The following CMC2 variants were observed in gnomAD, a reference collection of about 807,000 sequenced individuals.
CMC2 encodes the protein C-X9-C motif containing 2.
CMC2 carries 5 observed loss-of-function variants against 7.5 expected under a neutral mutation model. The observed-to-expected ratio is 0.66, with a 90% CI of 0.35 to 1.40. CMC2 has a LOEUF of 1.40. Ranked by LOEUF, CMC2 falls within the 40% of genes most tolerant of loss-of-function variation. CMC2 has a pLI of 0.04. For missense variants in CMC2, 115 were observed against 92.3 expected (o/e 1.25, Z -1.01); for synonymous variants, 37 against 31.4 (o/e 1.18, Z -0.60).
chr16:80,995,085 G>T (rs562673047), intron 2 of CMC2, among the ~76,000 whole-genome samples: 1 of 152,296 alleles, frequency 6.6e-6, no homozygotes, highest in African/African-American at 2.4e-5. Flanking sequence ...GGCAGAGGTT[G>T]CAGTGAGCCA....
At chr16:80,977,168 C>G (rs1011861675) in intron 3 of CMC2, among the ~76,000 whole-genome samples, 6 of 152,146 alleles carry the variant, frequency 3.9e-5, no homozygotes, top group African/African-American at 1.4e-4. Flanking sequence ...GTTAACAAAC[C>G]TGATACTCCT....
At chr16:80,978,087 T>C (rs956619691) in intron 3 of CMC2, among the ~76,000 whole-genome samples, 2 of 121,300 alleles carry the variant, frequency 1.6e-5, no homozygotes, top group Admixed American at 1.6e-4. Context: ...AAAAAGCTAC[T>C]TTAAATTACA....
intron 2 of CMC2, chr16:80,983,183 T>C (rs2151623241): frequency 6.6e-6 from 1 of 152,370 alleles, no homozygotes; most frequent in Admixed American, 6.5e-5. Context: ...GTTAATCACC[T>C]ATTTATGCTA....
In CMC2 at chr16:80,975,491, G is replaced by C. The variant is rs1912213462; in HGVS notation, c.*602C>G. 6.7e-6 allele frequency: 1 copy of C among 150,186 alleles called. No homozygotes were observed. Among genetic ancestry groups the C allele is most frequent in the South Asian group, 2.1e-4 (1 of 4,826 alleles). 9.3% of individuals were successfully genotyped at this position (150,186 alleles called of 1,614,324 possible). On this transcript the variant is annotated 3_prime_UTR_variant, in exon 4 of 4. Transcript: ENST00000219400. Reference sequence around the variant, plus strand: ...CAGCCAGGCATGGTAGCCTGCGCCTGTAGCCCCAGCTACTAGAGAGGCTGA... The same window carrying C: ...CAGCCAGGCATGGTAGCCTGCGCCTCTAGCCCCAGCTACTAGAGAGGCTGA...
intron 1 of CMC2, among the ~76,000 whole-genome samples, chr16:81,000,568 T>C (rs1968790992): frequency 6.6e-6 from 1 of 152,092 alleles, no homozygotes; most frequent in African/African-American, 2.4e-5. Context: ...TCTCAAAAGA[T>C]ATACAAGTGG....
At chr16:80,983,217 G>C (rs948947504) in intron 2 of CMC2, 1 of 147,422 alleles carries the variant, frequency 6.8e-6, no homozygotes, top group Non-Finnish European at 1.5e-5. Context: ...CAGACAACAG[G>C]AAACTCTCAG....
At chr16:80,990,770 A>G (rs939361581) in intron 2 of CMC2, among the ~76,000 whole-genome samples, 6 of 152,032 alleles carry the variant, frequency 3.9e-5, no homozygotes, top group African/African-American at 1.4e-4. Flanking sequence ...CCAGGCTGGA[A>G]TGCAGTGGCA....
intron 2 of CMC2, chr16:80,991,644 A>T (rs554036361): frequency 3.1e-5 from 6 of 196,584 alleles, no homozygotes; most frequent in Non-Finnish European, 6.3e-5. Context: ...TGTCTCCAAA[A>T]AAAAAAAAGG....
chr16:81,000,742 G>C (rs1289732275), intron 1 of CMC2, among the ~76,000 whole-genome samples: 1 of 152,202 alleles, frequency 6.6e-6, no homozygotes, highest in African/African-American at 2.4e-5. Flanking sequence ...CTTATACACT[G>C]TTGTGGGAAT....
intron 2 of CMC2, among the ~76,000 whole-genome samples, chr16:80,988,016 A>G (rs79474020): frequency 1.4e-5 from 2 of 138,528 alleles, no homozygotes; most frequent in Non-Finnish European, 3.1e-5. Flanking sequence ...CTCTAGGAGG[A>G]AAAAAAAAAA....
chr16:80,984,824 A>G (rs1454434311), intron 2 of CMC2, among the ~76,000 whole-genome samples: 1 of 152,218 alleles, frequency 6.6e-6, no homozygotes, highest in Non-Finnish European at 1.5e-5. Context: ...TTTTACCTCA[A>G]TATTAACTAA....
chr16:80,997,505 C>T (rs753966437), intron 1 of CMC2, 76 bp from the exon 2 acceptor site: 567 of 749,296 alleles, frequency 7.6e-4, no homozygotes, highest in Non-Finnish European at 1.1e-3. Context: ...ATAAGAACCT[C>T]TAGTGACCTT....
At position 80,973,572 on chromosome 16, in the gene CMC2, C is replaced by A. The variant is rs1912078975; in HGVS notation, c.*2521G>T. The A allele has an allele frequency of 2.0e-5, 3 of 152,292 alleles. No individual in the cohort carries two copies. In the South Asian group the frequency reaches 6.2e-4, roughly 32 times the overall value. The allele number at this position is 152,292 out of a possible 1,614,324, so 9.4% of individuals were successfully genotyped here. On this transcript the variant is annotated 3_prime_UTR_variant, in exon 4 of 4. Transcript: ENST00000219400. ...ATATAAATAAATGAAATCATAACCA[C>A]TCCCTAAAACTTTCTAATGGTTTTC...
intron 2 of CMC2, among the ~76,000 whole-genome samples, chr16:80,992,643 T>A (rs995887284): frequency 2.2e-4 from 34 of 152,106 alleles, no homozygotes; most frequent in Middle Eastern, 3.4e-3. Context: ...CTTTTTTTTT[T>A]AAATTGTCTC....
At position 80,976,090 on chromosome 16, in the gene CMC2, A is replaced by C. The variant is rs1912290119; in HGVS notation, c.*3T>G. On this transcript the variant is annotated 3_prime_UTR_variant, in exon 4 of 4. Transcript: ENST00000219400. ...CAGCCAAGGCATCGAGTGAAAATACAATTTATTTTTCGGATTCCTCTGGAG... is the reference window on the plus strand; with the variant it reads ...CAGCCAAGGCATCGAGTGAAAATACCATTTATTTTTCGGATTCCTCTGGAG... The C allele has an allele frequency of 6.4e-7, 1 of 1,560,640 alleles. No individual in the cohort carries two copies. The highest frequency in any genetic ancestry group is 8.8e-7 in the Non-Finnish European group (1 of 1,131,776).
chr16:80,997,254 C>T, intron 2 of CMC2, 60 bp downstream of exon 2: 1 of 919,210 alleles, frequency 1.1e-6, no homozygotes, highest in South Asian at 1.3e-5. Flanking sequence ...TAACATTTTA[C>T]ATCAGTGGGT....
intron 1 of CMC2, chr16:80,998,983 A>G (rs1968640133): frequency 6.6e-6 from 1 of 152,236 alleles, no homozygotes; most frequent in African/African-American, 2.4e-5. Context: ...CACAGCCAAC[A>G]TCATACTGAA....
At chr16:80,993,908 G>T (rs951692220) in intron 2 of CMC2, among the ~76,000 whole-genome samples, 1 of 152,038 alleles carries the variant, frequency 6.6e-6, no homozygotes, top group Non-Finnish European at 1.5e-5. Context: ...TTTGAAAAAA[G>T]AACAAAATTG....
chr16:80,985,482 T>C (rs142517019), intron 2 of CMC2, among the ~76,000 whole-genome samples: 1 of 152,320 alleles, frequency 6.6e-6, no homozygotes, highest in East Asian at 1.9e-4. Context: ...TATGCTAACA[T>C]GTCATCTTAA....
Sources: gnomAD v4.1 joint callset for allele counts (sites outside exome capture counted in the v4.1 genomes callset) on GRCh38, gnomAD v4.1.1 for gene constraint, MANE v1.5 for transcripts, NCBI Gene and HGNC (gene_info 2026-07-23, HGNC 2026-07-21) for gene names.